DBF4: variants seen among roughly 807,000 people sequenced by gnomAD.
The protein encoded by DBF4 is protein DBF4 homolog A.
A neutral mutation model predicts 76.6 loss-of-function variants in DBF4; 25 were observed. That is an observed-to-expected ratio of 0.33 (90% CI 0.24 to 0.46). The LOEUF (loss-of-function observed/expected upper bound fraction) is 0.46. Ranked by LOEUF, DBF4 falls within the 20% of genes least tolerant of loss-of-function variation. The pLI is 1.00. For synonymous variants in DBF4, 213 were observed against 258.0 expected, an observed-to-expected ratio of 0.83 and a Z score of 1.67; for missense variants, 638 against 760.8, an observed-to-expected ratio of 0.84 and a Z score of 1.90.
intron 4 of DBF4, among the ~76,000 whole-genome samples, 158 bp downstream of exon 4, chr7:87,887,052 T>C (rs991374248): frequency 6.6e-6 from 1 of 152,232 alleles, no homozygotes; most frequent in Non-Finnish European, 1.5e-5. Context: ...TTACTTTTCA[T>C]GTAGAAACAT....
At chr7:87,907,117 A>T in intron 11 of DBF4, 71 bp from the exon 12 acceptor site, 1 of 1,334,370 alleles carries the variant, frequency 7.5e-7, no homozygotes, top group Non-Finnish European at 1.0e-6. Flanking sequence ...TACTAATTTA[A>T]TTTCTAACTA....
chr7:87,898,633 T>C (rs561263416), intron 8 of DBF4, among the ~76,000 whole-genome samples: 1 of 151,466 alleles, frequency 6.6e-6, no homozygotes, highest in South Asian at 2.1e-4. Context: ...CTACTAAAAA[T>C]ATAAAAAATT....
chr7:87,890,957 A>G (rs763667242), intron 6 of DBF4, among the ~76,000 whole-genome samples: 12 of 152,174 alleles, frequency 7.9e-5, no homozygotes, highest in Non-Finnish European at 1.5e-4. Context: ...TATATAAGAA[A>G]GGAATGTTTC....
intron 6 of DBF4, among the ~76,000 whole-genome samples, chr7:87,889,035 C>T (rs888719770): frequency 6.6e-6 from 1 of 152,100 alleles, no homozygotes; most frequent in Non-Finnish European, 1.5e-5. Flanking sequence ...TAGCATAATA[C>T]AGCCTGATCT....
intron 2 of DBF4, 56 bp downstream of exon 2, chr7:87,878,281 A>G (rs1839121070): frequency 2.9e-6 from 4 of 1,358,232 alleles, no homozygotes; most frequent in East Asian, 2.4e-5. Context: ...AGTACTTTCT[A>G]CTGTGTAATC....
chr7:87,885,327 T>C, intron 3 of DBF4, 169 bp downstream of exon 3: 2 of 522,176 alleles, frequency 3.8e-6, no homozygotes, highest in Admixed American at 3.7e-5. Flanking sequence ...GGAAGGTGGG[T>C]TTTTCCTAAT....
rs187853274 is a variant in DBF4, at chr7:87,895,517, A to G, written c.598-957A>G. ...CATTGTTTTAGCGGACAGTCATCCCAGTTTTGTTCAGACTGTTCTGTCTTG... is the reference window on the plus strand; with the variant it reads ...CATTGTTTTAGCGGACAGTCATCCCGGTTTTGTTCAGACTGTTCTGTCTTG... On this transcript the variant is annotated intron_variant, in intron 6 of 11. Coordinates refer to ENST00000265728, the MANE Select transcript of DBF4 (RefSeq NM_006716.4). Among the ~76,000 whole-genome samples, 162 of 151,226 alleles carry G rather than the reference A, an allele frequency of 1.1e-3. 2 individuals are homozygous for G. The highest frequency in any genetic ancestry group is 3.8e-3 in the African/African-American group (157 of 41,282).
intron 7 of DBF4, 50 bp from the exon 8 acceptor site, chr7:87,897,244 A>G: frequency 6.4e-7 from 1 of 1,553,752 alleles, no homozygotes; most frequent in Non-Finnish European, 8.7e-7. Context: ...TTAAAAAAAA[A>G]AAAGAATCCT....
chr7:87,887,610 G>A (rs780743616), intron 5 of DBF4, among the ~76,000 whole-genome samples: 3 of 152,078 alleles, frequency 2.0e-5, no homozygotes, highest in Non-Finnish European at 4.4e-5. Flanking sequence ...TGGGTCAAAG[G>A]GCTGCATCTG....
At position 87,876,686 on chromosome 7, in the gene DBF4, G is replaced by C; in HGVS notation, c.-47G>C. The stretch of plus-strand genomic sequence containing the variant: ...GAAGCCGTGCTTTCGCGGCTGCCCG[G>C]TGCGACACTTTCTCCGGACCCAGCA... On this transcript the variant is annotated 5_prime_UTR_variant, in exon 1 of 12. Transcript: ENST00000265728. The C allele has an allele frequency of 6.2e-7, 1 of 1,611,026 alleles. No homozygotes were observed. Among genetic ancestry groups the C allele is most frequent in the Non-Finnish European group, 8.5e-7 (1 of 1,178,796 alleles).
At chr7:87,904,232 A>G in intron 10 of DBF4, 60 bp from the exon 11 acceptor site, 3 of 1,518,680 alleles carry the variant, frequency 2.0e-6, no homozygotes, top group Admixed American at 4.6e-5. Context: ...ACCTTAATTA[A>G]AAAGGCATCT....
intron 10 of DBF4, among the ~76,000 whole-genome samples, chr7:87,902,452 G>A (rs138094936): frequency 2.0e-4 from 31 of 152,218 alleles, no homozygotes; most frequent in African/African-American, 6.0e-4. Flanking sequence ...GCACCTTATG[G>A]TCTGGCAGTG....
intron 2 of DBF4, among the ~76,000 whole-genome samples, chr7:87,879,843 T>C (rs955114568): frequency 9.2e-5 from 14 of 151,942 alleles, no homozygotes; most frequent in African/African-American, 3.4e-4. Context: ...GTCCCAGCTA[T>C]TCGGGAGGCC....
chr7:87,893,663 A>G (rs572297959), intron 6 of DBF4, among the ~76,000 whole-genome samples: 1 of 152,212 alleles, frequency 6.6e-6, no homozygotes, highest in South Asian at 2.1e-4. Flanking sequence ...CTTTATTTTT[A>G]TTAGTATTTA....
intron 2 of DBF4, among the ~76,000 whole-genome samples, chr7:87,880,961 A>G (rs1215342853): frequency 6.6e-6 from 1 of 152,254 alleles, no homozygotes; most frequent in Admixed American, 6.5e-5. Context: ...GATGTTCGTC[A>G]TGATCACCTT....
intron 6 of DBF4, among the ~76,000 whole-genome samples, chr7:87,890,435 T>C (rs936185814): frequency 1.3e-5 from 2 of 152,058 alleles, no homozygotes; most frequent in Non-Finnish European, 2.9e-5. Context: ...GGAAGGCTGA[T>C]AGAAGAGAAT....
chr7:87,887,542 T>A, intron 5 of DBF4, 144 bp downstream of exon 5: 1 of 991,800 alleles, frequency 1.0e-6, no homozygotes, highest in Non-Finnish European at 1.4e-6. Context: ...TACCTGAAAC[T>A]GGGTAATGTA....
intron 11 of DBF4, among the ~76,000 whole-genome samples, chr7:87,906,840 A>G (rs1445117784): frequency 1.3e-5 from 2 of 152,164 alleles, no homozygotes; most frequent in African/African-American, 4.8e-5. Flanking sequence ...AAGCAAAATT[A>G]GGGGCAGGCT....
chr7:87,904,189 A>G, intron 10 of DBF4, 103 bp from the exon 11 acceptor site: 5 of 1,219,920 alleles, frequency 4.1e-6, no homozygotes, highest in Non-Finnish European at 5.6e-6. Context: ...AGTTATTGGA[A>G]ACCTAATTTT....
Sources: allele counts gnomAD v4.1 joint callset (sites outside exome capture counted in the v4.1 genomes callset), GRCh38; gene constraint gnomAD v4.1.1; transcripts MANE v1.5; gene names NCBI Gene and HGNC (gene_info 2026-07-23, HGNC 2026-07-21).